The following GOLPH3 variants were observed in gnomAD, a reference collection of about 807,000 sequenced individuals.
GOLPH3 encodes coat protein GPP34.
A neutral mutation model predicts 28.5 loss-of-function variants in GOLPH3; 14 were observed. That is an observed-to-expected ratio of 0.49 (90% CI 0.32 to 0.77). GOLPH3 has a LOEUF of 0.77. Ranked by LOEUF, GOLPH3 falls within the 30% of genes least tolerant of loss-of-function variation. GOLPH3 has a pLI of 0.03. For missense variants in GOLPH3, 350 were observed against 393.7 expected (o/e 0.89, Z 0.94); for synonymous variants, 158 against 159.2 (o/e 0.99, Z 0.06).
chr5:32,128,637 G>A (rs570484219), intron 3 of GOLPH3, among the ~76,000 whole-genome samples: 1 of 151,856 alleles, frequency 6.6e-6, no homozygotes, highest in Non-Finnish European at 1.5e-5. Flanking sequence ...CTCCAACCTA[G>A]GCAACAAGAG....
rs533642289 is a variant in GOLPH3 at position 32,126,414 on chromosome 5, A to G, written c.695T>C (p.Met232Thr). 1.9e-6 allele frequency: 3 copies of G among 1,614,210 alleles called. No homozygotes were observed. Among genetic ancestry groups the G allele is most frequent in the African/African-American group, 1.3e-5 (1 of 75,050 alleles). ...AATGAGGGCCAGCAAGCGCCTGTCC[A>G]TGCGGTGAGGGTCATTCACCCATTT... ...LDKWVNDPHR[M>T]DRRLLALIYL... is the part of the protein sequence containing the mutation. The change falls in exon 4 of 4, where the codon ATG (methionine) becomes ACG (threonine). Residue 232 changes from methionine to threonine, a missense_variant. By Grantham distance (81) the Met-to-Thr change is moderately conservative. Transcript: ENST00000265070.
At chr5:32,171,184 A>G (rs968683354) in intron 1 of GOLPH3, among the ~76,000 whole-genome samples, 1 of 152,218 alleles carries the variant, frequency 6.6e-6, no homozygotes, top group Admixed American at 6.6e-5. Context: ...ATTTAGAGCA[A>G]GGGTGTCCAA....
rs772479011 is a variant in GOLPH3 at position 32,143,739 on chromosome 5, C to G, written c.357+10G>C. 48 of 1,602,232 alleles carry G rather than the reference C, an allele frequency of 3.0e-5. No homozygotes were observed. The highest frequency in any genetic ancestry group is 3.8e-5 in the Non-Finnish European group (45 of 1,176,082). On this transcript the variant is annotated intron_variant, in intron 2 of 3. Coordinates refer to ENST00000265070, the MANE Select transcript of GOLPH3 (RefSeq NM_022130.4). ...TCTTTAAAAAGAATGTTACTCAGCA[C>G]TCCTCTTACCTTTCTTGTTAATAGA...
Position 32,158,029 on chromosome 5 carries a change from C to A in GOLPH3, c.226-14149G>T, listed in dbSNP as rs1216822749. Among the ~76,000 whole-genome samples the A allele has an allele frequency of 1.7e-4, 20 of 119,980 alleles. 3 individuals are homozygous for A. The highest frequency in any genetic ancestry group is 5.5e-4 in the African/African-American group (14 of 25,656). 78.7% of individuals were successfully genotyped at this position (119,980 alleles called of 152,430 possible). On this transcript the variant is annotated intron_variant, in intron 1 of 3. Coordinates refer to ENST00000265070, the MANE Select transcript of GOLPH3 (RefSeq NM_022130.4). Reference sequence around the variant, plus strand: ...AATAAATAAATAAATAAAATACACACACACACACACACACACACACACACA... The same window carrying A: ...AATAAATAAATAAATAAAATACACAAACACACACACACACACACACACACA...
rs916775638 is a variant in GOLPH3 at position 32,126,758 on chromosome 5, T to C, written c.473-122A>G. Reference sequence around the variant, plus strand: ...AAGAAAAACAGAAGAAAATCTGCCATGTTTTTCTCCCTAACTAGACCATGA... The same window carrying C: ...AAGAAAAACAGAAGAAAATCTGCCACGTTTTTCTCCCTAACTAGACCATGA... On this transcript the variant is annotated intron_variant, in intron 3 of 3. Transcript: ENST00000265070. 1.7e-5 allele frequency: 13 copies of C among 754,668 alleles called. No individual in the cohort carries two copies. In the Admixed American group the frequency reaches 3.4e-4, roughly 20 times the overall value. 46.7% of individuals were successfully genotyped at this position (754,668 alleles called of 1,614,324 possible).
chr5:32,172,055 GTTTAC>G (rs1283520796), intron 1 of GOLPH3, among the ~76,000 whole-genome samples: 1 of 152,144 alleles, frequency 6.6e-6, no homozygotes, highest in African/African-American at 2.4e-5. Context: ...TATACCCCTA[GTTTAC>G]TTTTTCATCC....
intron 3 of GOLPH3, among the ~76,000 whole-genome samples, chr5:32,129,913 C>T (rs1027636298): frequency 2.6e-5 from 4 of 151,816 alleles, no homozygotes; most frequent in African/African-American, 9.7e-5. Context: ...GTGATCAGGG[C>T]TCACTGCAAG....
chr5:32,160,167 C>A lies in GOLPH3; in HGVS notation c.225+13643G>T, dbSNP rs541083216. On this transcript the variant is annotated intron_variant, in intron 1 of 3. Coordinates refer to ENST00000265070, the MANE Select transcript of GOLPH3 (RefSeq NM_022130.4). ...TAAGCTATGATTATACAACTGCACT[C>A]TAGCCTGGGTGACAGAATGAGACTC... is the stretch of plus-strand genomic sequence containing the variant. Among the ~76,000 whole-genome samples, 8 of 152,218 alleles carry A rather than the reference C, an allele frequency of 5.3e-5. No homozygotes were observed. The South Asian group carries it at 1.2e-3, about 24-fold the overall frequency.
intron 1 of GOLPH3, among the ~76,000 whole-genome samples, chr5:32,169,684 CA>C (rs1370432639): frequency 6.6e-6 from 1 of 152,150 alleles, no homozygotes; most frequent in Non-Finnish European, 1.5e-5. Flanking sequence ...AGAATAAACA[CA>C]CACAGGGAAA....
chr5:32,144,369 T>C (rs1746145839), intron 1 of GOLPH3, among the ~76,000 whole-genome samples: 2 of 152,200 alleles, frequency 1.3e-5, no homozygotes, highest in African/African-American at 2.4e-5. Context: ...GCCAAGACGA[T>C]GGCTTGAGCC....
Position 32,173,857 on chromosome 5 carries a change from G to A in GOLPH3, c.178C>T (p.Leu60=). 6.6e-7 allele frequency: 1 copy of A among 1,525,526 alleles called. No individual in the cohort carries two copies. 94.5% of individuals were successfully genotyped at this position (1,525,526 alleles called of 1,614,324 possible). The stretch of plus-strand genomic sequence containing the variant: ...AGGAGCACTTCCTCCATCAGGGTCA[G>A]CCGCGTTTCCTTGGAGTCGCCCTTG... ...DDKGDSKETR[L]TLMEEVLLLG... is the part of the protein sequence containing the mutation. The change falls in exon 1 of 4, where the codon CTG becomes TTG. Residue 60 remains leucine, a synonymous_variant. Transcript: ENST00000265070.
At chr5:32,147,613 A>C (rs2111863763) in intron 1 of GOLPH3, among the ~76,000 whole-genome samples, 1 of 152,076 alleles carries the variant, frequency 6.6e-6, no homozygotes, top group East Asian at 1.9e-4. Context: ...TATTTTCTTT[A>C]GGCTTTTCTG....
intron 3 of GOLPH3, among the ~76,000 whole-genome samples, chr5:32,133,681 A>G (rs1045300219): frequency 6.6e-6 from 1 of 152,266 alleles, no homozygotes. Flanking sequence ...TGTCACTGAC[A>G]GGCATACATG....
Position 32,126,553 on chromosome 5 carries a change from C to A in GOLPH3, c.556G>T (p.Val186Leu). 1.2e-6 allele frequency: 2 copies of A among 1,614,134 alleles called. No individual in the cohort carries two copies. The highest frequency in any genetic ancestry group is 1.7e-6 in the Non-Finnish European group (2 of 1,179,988). The change falls in exon 4 of 4, where the codon GTA (valine) becomes TTA (leucine). Residue 186 changes from valine to leucine, a missense_variant. Physicochemically the swap from Val to Leu is conservative, Grantham distance 32. Transcript: ENST00000265070. ...AAGTTCTGTTTCTCTGTTGTCAATA[C>A]ACCCTTTTCCACCAGGTTTTTAGCT... is the stretch of plus-strand genomic sequence containing the variant. ...RLAKNLVEKG[V>L]LTTEKQNFLL...
At chr5:32,131,571 T>C (rs1160902490) in intron 3 of GOLPH3, among the ~76,000 whole-genome samples, 1 of 152,252 alleles carries the variant, frequency 6.6e-6, no homozygotes, top group Non-Finnish European at 1.5e-5. Context: ...GTTACTGCGA[T>C]CCATGCTGTT....
At chr5:32,142,242 A>G (rs1274193317) in intron 2 of GOLPH3, among the ~76,000 whole-genome samples, 1 of 141,932 alleles carries the variant, frequency 7.0e-6, no homozygotes, top group Non-Finnish European at 1.5e-5. Flanking sequence ...TGCGGGGAGC[A>G]CCTCTGCCCT....
At chr5:32,126,760 T>A in intron 3 of GOLPH3, 124 bp from the exon 4 acceptor site, 1 of 736,592 alleles carries the variant, frequency 1.4e-6, no homozygotes, top group African/African-American at 1.8e-5. Flanking sequence ...ATCTGCCATG[T>A]TTTTCTCCCT....
At chr5:32,161,570 A>G (rs1561681844) in intron 1 of GOLPH3, among the ~76,000 whole-genome samples, 1 of 151,324 alleles carries the variant, frequency 6.6e-6, no homozygotes, top group Non-Finnish European at 1.5e-5. Context: ...TTGTGCACCA[A>G]CTATCAGGCA....
At chr5:32,151,150 A>G (rs928932961) in intron 1 of GOLPH3, among the ~76,000 whole-genome samples, 5 of 152,096 alleles carry the variant, frequency 3.3e-5, no homozygotes, top group African/African-American at 1.2e-4. Context: ...CAGGGTAAAA[A>G]TCATAGCAAA....
Sources: gnomAD v4.1 joint callset for allele counts (sites outside exome capture counted in the v4.1 genomes callset) on GRCh38, gnomAD v4.1.1 for gene constraint, MANE v1.5 for transcripts, NCBI Gene and HGNC (gene_info 2026-07-23, HGNC 2026-07-21) for gene names.